ROBO1: variants seen among roughly 807,000 people sequenced by gnomAD.
The protein encoded by ROBO1 is roundabout guidance receptor 1.
Under a neutral mutation model 195.9 loss-of-function variants are expected in ROBO1, and 149 were observed. The observed-to-expected ratio is 0.76, with a 90% CI of 0.67 to 0.87. The LOEUF (loss-of-function observed/expected upper bound fraction) is 0.87. Ranked by LOEUF, ROBO1 falls within the 40% of genes least tolerant of loss-of-function variation. ROBO1 has a pLI of 0.00. For synonymous variants in ROBO1, 816 were observed against 733.2 expected, an observed-to-expected ratio of 1.11 and a Z score of -1.82; for missense variants, 1,933 against 2,068.3, an observed-to-expected ratio of 0.93 and a Z score of 1.27.
chr3:78,773,814 A>G (rs1576136416), intron 4 of ROBO1, among the ~76,000 whole-genome samples: 1 of 152,150 alleles, frequency 6.6e-6, no homozygotes, highest in Non-Finnish European at 1.5e-5. Flanking sequence ...TTGGTTGCCA[A>G]ATATCTTTAT....
intron 2 of ROBO1, among the ~76,000 whole-genome samples, chr3:79,356,410 T>C (rs181919476): frequency 2.6e-5 from 4 of 152,334 alleles, no homozygotes; most frequent in Admixed American, 6.5e-5. Context: ...GAATAAATGC[T>C]AATCAAATCA....
intron 1 of ROBO1, among the ~76,000 whole-genome samples, chr3:79,684,180 A>C (rs574933524): frequency 1.3e-5 from 2 of 152,270 alleles, no homozygotes; most frequent in African/African-American, 2.4e-5. Flanking sequence ...TGGCTTTGAT[A>C]AGCACTTCCC....
At chr3:79,660,297 G>T (rs576826054) in intron 1 of ROBO1, among the ~76,000 whole-genome samples, 1 of 151,528 alleles carries the variant, frequency 6.6e-6, no homozygotes, top group Non-Finnish European at 1.5e-5. Flanking sequence ...CCAGCTCAAA[G>T]GCTATACATT....
intron 2 of ROBO1, among the ~76,000 whole-genome samples, chr3:79,386,074 A>G (rs2036732028): frequency 6.6e-6 from 1 of 152,172 alleles, no homozygotes; most frequent in Non-Finnish European, 1.5e-5. Context: ...ATAGCTCACT[A>G]TCAAAATGCC....
intron 4 of ROBO1, among the ~76,000 whole-genome samples, chr3:78,878,275 C>T (rs1222444793): frequency 6.6e-6 from 1 of 152,008 alleles, no homozygotes; most frequent in Non-Finnish European, 1.5e-5. Context: ...TACTAAAAAG[C>T]TGTGAGATGT....
chr3:78,858,546 T>A lies in ROBO1; in HGVS notation c.499+80055A>T, dbSNP rs531432950. 1.1e-4 allele frequency among the ~76,000 whole-genome samples: 13 copies of A among 114,144 alleles called. No homozygotes were observed. The East Asian group carries it at 2.4e-3, about 21-fold the overall frequency. 74.9% of individuals were successfully genotyped at this position (114,144 alleles called of 152,430 possible). A position where few individuals can be genotyped will look rare whatever the true frequency, so the allele number is the denominator to read the frequency against. ...GAGTTTGAGACCAGCCTGGGCAACA[T>A]GGCAAAACCCTGTCTACCAAAAAAA... On this transcript the variant is annotated intron_variant, in intron 4 of 30. Transcript: ENST00000464233.
chr3:79,720,099 C>T lies in ROBO1; in HGVS notation c.-51+47653G>A, dbSNP rs183303204. Among the ~76,000 whole-genome samples the T allele has an allele frequency of 2.3e-3, 353 of 152,244 alleles. 1 individual carries two copies. Among genetic ancestry groups the T allele is most frequent in the African/African-American group, 8.4e-3 (347 of 41,522 alleles). ...ATAATAAAAGTGTTAAGGAAAGTGG[C>T]TAATCTTTAAAGATGGCCCTCAATG... On this transcript the variant is annotated intron_variant, in intron 1 of 30. Coordinates refer to ENST00000464233, the MANE Select transcript of ROBO1 (RefSeq NM_002941.4).
chr3:79,490,965 G>A (rs996854202), intron 2 of ROBO1, among the ~76,000 whole-genome samples: 2 of 151,738 alleles, frequency 1.3e-5, no homozygotes, highest in South Asian at 2.1e-4. Context: ...TCTCTCCCTG[G>A]ATCCCAAGTA....
chr3:78,698,681 A>T (rs74444345), intron 8 of ROBO1, among the ~76,000 whole-genome samples: 2,216 of 152,280 alleles, frequency 0.015, 42 homozygotes, highest in African/African-American at 0.051. Flanking sequence ...ATGATGTAGC[A>T]CAAAATGTCA....
chr3:78,961,038 C>A (rs1007512376), intron 3 of ROBO1, among the ~76,000 whole-genome samples: 6 of 152,026 alleles, frequency 3.9e-5, no homozygotes, highest in Non-Finnish European at 7.4e-5. Context: ...TCTCATTTTC[C>A]TTCATAATAG....
chr3:78,978,256 G>A (rs1029339024), intron 3 of ROBO1, among the ~76,000 whole-genome samples: 1 of 151,964 alleles, frequency 6.6e-6, no homozygotes, highest in Admixed American at 6.6e-5. Flanking sequence ...AAGGTAGTGG[G>A]GGGATGGAGA....
At chr3:79,706,167 GC>G in intron 1 of ROBO1, among the ~76,000 whole-genome samples, 1 of 152,090 alleles carries the variant, frequency 6.6e-6, no homozygotes, top group African/African-American at 2.4e-5. Context: ...TGTTGCATTA[GC>G]TAGGATTTCA....
At chr3:79,201,762 A>C (rs1323927451) in intron 2 of ROBO1, among the ~76,000 whole-genome samples, 1 of 151,866 alleles carries the variant, frequency 6.6e-6, no homozygotes, top group Non-Finnish European at 1.5e-5. Flanking sequence ...AGAATTGGAG[A>C]TAGTTTTTTA....
At chr3:78,879,089 C>T (rs143330645) in intron 4 of ROBO1, among the ~76,000 whole-genome samples, 2 of 152,294 alleles carry the variant, frequency 1.3e-5, no homozygotes, top group Admixed American at 1.3e-4. Flanking sequence ...TTCTACTATA[C>T]TTCTGCCTAA....
rs940237366 is a variant in ROBO1 at position 79,271,228 on chromosome 3, A to G, written c.89-145689T>C. Among the ~76,000 whole-genome samples, 27 of 152,058 alleles carry G rather than the reference A, an allele frequency of 1.8e-4. No individual in the cohort carries two copies. The South Asian group carries it at 1.9e-3, about 10-fold the overall frequency. On this transcript the variant is annotated intron_variant, in intron 2 of 30. Transcript: ENST00000464233. ...ACATGGACAAACAAACCATTACCAG[A>G]ATTTTTTTTATTAGGAAGTAAATAT... is the stretch of plus-strand genomic sequence containing the variant.
intron 3 of ROBO1, among the ~76,000 whole-genome samples, chr3:79,104,553 T>C (rs1275684249): frequency 6.6e-6 from 1 of 151,708 alleles, no homozygotes; most frequent in East Asian, 1.9e-4. Context: ...TTAGTTCTTA[T>C]TGAGTTACTG....
intron 3 of ROBO1, among the ~76,000 whole-genome samples, chr3:78,969,610 A>T (rs1237198373): frequency 6.6e-6 from 1 of 152,158 alleles, no homozygotes; most frequent in Admixed American, 6.5e-5. Flanking sequence ...GAAGTTCAGT[A>T]TCATCTGAGT....
chr3:79,182,178 C>T (rs1361310146), intron 2 of ROBO1, among the ~76,000 whole-genome samples: 5 of 152,000 alleles, frequency 3.3e-5, no homozygotes, highest in Admixed American at 6.6e-5. Flanking sequence ...AATAAATTTG[C>T]GAACCTAGAA....
intron 3 of ROBO1, among the ~76,000 whole-genome samples, chr3:79,005,721 T>C (rs2077603883): frequency 6.6e-6 from 1 of 152,152 alleles, no homozygotes; most frequent in Non-Finnish European, 1.5e-5. Flanking sequence ...AATCAATATT[T>C]TATAAGTCAA....
Sources: gnomAD v4.1 joint callset for allele counts (sites outside exome capture counted in the v4.1 genomes callset) on GRCh38, gnomAD v4.1.1 for gene constraint, MANE v1.5 for transcripts, NCBI Gene and HGNC (gene_info 2026-07-23, HGNC 2026-07-21) for gene names.